Variants in ARHGAP17 observed in about 807,000 individuals in gnomAD.
ARHGAP17 encodes Rho GTPase activating protein 17.
ARHGAP17 carries 57 observed loss-of-function variants against 99.5 expected under a neutral mutation model. The ratio of observed to expected loss-of-function variants is 0.57; its 90% CI spans 0.46 to 0.71. The LOEUF (loss-of-function observed/expected upper bound fraction) is 0.71, where lower values mean the gene tolerates loss of function less well. ARHGAP17 is among the 30% of genes least tolerant of loss of function. The pLI is 0.00. For synonymous variants in ARHGAP17, 417 were observed against 429.6 expected (o/e 0.97, Z 0.36); for missense variants, 1,000 against 1,122.4 (o/e 0.89, Z 1.56).
chr16:24,941,786 AACTGAGAAGCTAC>A, intron 16 of ARHGAP17, 188 bp downstream of exon 16: 1 of 654,736 alleles, frequency 1.5e-6, no homozygotes, highest in Non-Finnish European at 2.6e-6. Flanking sequence ...AAGAAACGTT[AACTGAGAAGCTAC>A]ACACTGACTT....
At chr16:25,007,001 C>T (rs557076946) in intron 1 of ARHGAP17, among the ~76,000 whole-genome samples, 2 of 152,276 alleles carry the variant, frequency 1.3e-5, no homozygotes, top group African/African-American at 2.4e-5. Context: ...ATTTCTCTGT[C>T]GCAATATAAC....
At chr16:24,934,246 T>A (rs1264612156) in intron 18 of ARHGAP17, among the ~76,000 whole-genome samples, 2 of 152,100 alleles carry the variant, frequency 1.3e-5, no homozygotes, top group African/African-American at 4.8e-5. Context: ...CTGCAACCTC[T>A]GCCTCCCAGG....
chr16:24,959,230 G>A (rs2051908274), intron 9 of ARHGAP17, among the ~76,000 whole-genome samples: 1 of 152,204 alleles, frequency 6.6e-6, no homozygotes, highest in Middle Eastern at 3.2e-3. Context: ...TAAGTGTGAC[G>A]TGCATGATGT....
At chr16:24,980,665 G>T (rs894001047) in intron 1 of ARHGAP17, among the ~76,000 whole-genome samples, 1 of 152,156 alleles carries the variant, frequency 6.6e-6, no homozygotes, top group African/African-American at 2.4e-5. Flanking sequence ...GACTCAAAAA[G>T]AAACCTGACA....
intron 12 of ARHGAP17, among the ~76,000 whole-genome samples, chr16:24,950,711 C>G (rs2141228215): frequency 6.6e-6 from 1 of 151,988 alleles, no homozygotes; most frequent in Admixed American, 6.6e-5. Context: ...GTGGTGTGCG[C>G]CTGTAATCCC....
intron 7 of ARHGAP17, among the ~76,000 whole-genome samples, chr16:24,963,987 G>A (rs1208841854): frequency 6.6e-6 from 1 of 151,650 alleles, no homozygotes; most frequent in Non-Finnish European, 1.5e-5. Context: ...ATCTTGTCAA[G>A]TTTTTAAAAA....
chr16:24,952,906 T>C (rs764940898), intron 11 of ARHGAP17, 25 bp downstream of exon 11: 1 of 1,607,634 alleles, frequency 6.2e-7, no homozygotes, highest in Admixed American at 1.7e-5. Context: ...GGTGACTTGA[T>C]TTGCAGACAC....
At chr16:24,972,165 C>A (rs887258217) in intron 3 of ARHGAP17, among the ~76,000 whole-genome samples, 1 of 152,172 alleles carries the variant, frequency 6.6e-6, no homozygotes, top group African/African-American at 2.4e-5. Flanking sequence ...TTGTACTGGA[C>A]AGAATATCTC....
intron 16 of ARHGAP17, 77 bp from the exon 17 acceptor site, chr16:24,939,674 T>TA (rs1567216411): frequency 6.9e-7 from 1 of 1,440,832 alleles, no homozygotes; most frequent in Non-Finnish European, 9.5e-7. Flanking sequence ...CCACATGTGT[T>TA]AAAACCACAC....
At chr16:24,963,161 C>T (rs1193999141) in intron 7 of ARHGAP17, among the ~76,000 whole-genome samples, 1 of 152,190 alleles carries the variant, frequency 6.6e-6, no homozygotes, top group Non-Finnish European at 1.5e-5. Context: ...ACTGACAAAG[C>T]TACAACTCTT....
chr16:24,930,722 T>C (rs530502701), intron 19 of ARHGAP17, 62 bp downstream of exon 19: 2 of 1,613,870 alleles, frequency 1.2e-6, no homozygotes, highest in South Asian at 2.2e-5. Flanking sequence ...TTAAATAAAA[T>C]GTAGTAGTAC....
chr16:25,002,579 G>A (rs1408794692), intron 1 of ARHGAP17, among the ~76,000 whole-genome samples: 1 of 152,140 alleles, frequency 6.6e-6, no homozygotes, highest in Non-Finnish European at 1.5e-5. Flanking sequence ...CTTTTCTAAC[G>A]ATGGACTTCC....
rs1383467076 is a variant in ARHGAP17 at position 24,919,824 on chromosome 16, G to A, written c.*306C>T. The A allele has an allele frequency of 8.9e-6, 2 of 225,676 alleles. No individual in the cohort carries two copies. The highest frequency in any genetic ancestry group is 4.5e-5 in the African/African-American group (2 of 44,330). The allele number at this position is 225,676 out of a possible 1,614,324, so 14.0% of individuals were successfully genotyped here. On this transcript the variant is annotated 3_prime_UTR_variant, in exon 20 of 20. Transcript: ENST00000289968. Reference sequence around the variant, plus strand: ...GCCCGCATTAACAGCAGGGACAAAAGCTTCCTATGCGCGTTTCAGCAGGAA... The same window carrying A: ...GCCCGCATTAACAGCAGGGACAAAAACTTCCTATGCGCGTTTCAGCAGGAA...
rs758514204 is a variant in ARHGAP17, at chr16:24,968,721, G to T, written c.324C>A (p.Leu108=). 1 of 1,614,108 alleles carries T rather than the reference G, an allele frequency of 6.2e-7. No individual in the cohort carries two copies. The highest frequency in any genetic ancestry group is 8.5e-7 in the Non-Finnish European group (1 of 1,180,054). The change falls in exon 5 of 20, where the codon CTC becomes CTA. Residue 108 remains leucine, a synonymous_variant. Coordinates refer to ENST00000289968, the MANE Select transcript of ARHGAP17 (RefSeq NM_001006634.3). ...TCTCAACAAAGACTTCGTGCTGGGAGAGCTCGAGAGCCAGCTGATTCTCAG... is the reference window on the plus strand; with the variant it reads ...TCTCAACAAAGACTTCGTGCTGGGATAGCTCGAGAGCCAGCTGATTCTCAG... ...GDAENQLALE[L]SQHEVFVEKE...
rs567053892 is a variant in ARHGAP17, at chr16:24,979,281, AG to A, written c.54-277del. Among the ~76,000 whole-genome samples, 150 of 152,320 alleles carry A rather than the reference AG, an allele frequency of 9.8e-4. 1 individual carries two copies. The highest frequency in any genetic ancestry group is 3.4e-3 in the Middle Eastern group (1 of 294). ...AATTTGAGCAGGCACAGAATCACCA[AG>A]GGCAGCAGGTGCTGATATAAAATGC... On this transcript the variant is annotated intron_variant, in intron 1 of 19. Coordinates refer to ENST00000289968, the MANE Select transcript of ARHGAP17 (RefSeq NM_001006634.3).
chr16:24,997,732 AG>A lies in ARHGAP17; in HGVS notation c.53+17476del, dbSNP rs370691210. On this transcript the variant is annotated intron_variant, in intron 1 of 19. Coordinates refer to ENST00000289968, the MANE Select transcript of ARHGAP17 (RefSeq NM_001006634.3). ...GGGGGAGGAGCTGAGGATGACCACC[AG>A]GTTTCTGCCTTGAGGGACTGGCTGG... Among the ~76,000 whole-genome samples, 356 of 152,274 alleles carry A rather than the reference AG, an allele frequency of 2.3e-3. 4 individuals carry two copies. Among genetic ancestry groups the A allele is most frequent in the African/African-American group, 8.1e-3 (336 of 41,550 alleles).
intron 1 of ARHGAP17, among the ~76,000 whole-genome samples, chr16:25,005,157 C>A (rs2053472424): frequency 6.6e-6 from 1 of 152,206 alleles, no homozygotes; most frequent in Non-Finnish European, 1.5e-5. Context: ...CTCAGGAGAT[C>A]CACCCGCCTT....
chr16:24,921,811 A>G (rs2050726168), intron 19 of ARHGAP17, among the ~76,000 whole-genome samples: 1 of 152,240 alleles, frequency 6.6e-6, no homozygotes, highest in Non-Finnish European at 1.5e-5. Context: ...TGTGATAACT[A>G]TAAAACCAAT....
intron 1 of ARHGAP17, among the ~76,000 whole-genome samples, chr16:25,014,649 T>C (rs2053733678): frequency 6.6e-6 from 1 of 152,206 alleles, no homozygotes; most frequent in Admixed American, 6.5e-5. Flanking sequence ...CACCTCCGAA[T>C]TCCCTCAAAG....
Sources: gnomAD v4.1 joint callset for allele counts (sites outside exome capture counted in the v4.1 genomes callset) on GRCh38, gnomAD v4.1.1 for gene constraint, MANE v1.5 for transcripts, NCBI Gene and HGNC (gene_info 2026-07-23, HGNC 2026-07-21) for gene names.